Variants in RSF1 observed in about 807,000 individuals in gnomAD.
RSF1 encodes the protein remodeling and spacing factor 1, also known as HBV pX-associated protein 8.
RSF1 carries 13 observed loss-of-function variants against 145.2 expected under a neutral mutation model. The ratio of observed to expected loss-of-function variants is 0.09; its 90% CI spans 0.06 to 0.14. The LOEUF is 0.14. Among genes scored for constraint, RSF1 ranks in the 10% least tolerant of loss-of-function variants. The pLI, the probability that RSF1 is intolerant of heterozygous loss-of-function variation, is 1.00. For synonymous variants in RSF1, 577 were observed against 592.6 expected (o/e 0.97, Z 0.38); for missense variants, 1,517 against 1,718.2 (o/e 0.88, Z 2.07).
chr11:77,666,418 G>C lies in RSF1; in HGVS notation c.*499C>G, dbSNP rs1959364759. ...TGATGTTATCTACAATTCTCAAACTGTAACAGTACAGACTTGAACTTTTAA... is the reference window on the plus strand; with the variant it reads ...TGATGTTATCTACAATTCTCAAACTCTAACAGTACAGACTTGAACTTTTAA... On this transcript the variant is annotated 3_prime_UTR_variant, in exon 16 of 16. Transcript: ENST00000308488. The C allele has an allele frequency of 1.3e-5, 2 of 152,418 alleles. No individual in the cohort carries two copies. The highest frequency in any genetic ancestry group is 4.1e-4 in the South Asian group (2 of 4,824). 9.4% of individuals were successfully genotyped at this position (152,418 alleles called of 1,614,324 possible).
Position 77,666,660 on chromosome 11 carries a change from GA to G in RSF1, c.*256del, listed in dbSNP as rs981199178. 2 of 302,984 alleles carry G rather than the reference GA, an allele frequency of 6.6e-6. No individual in the cohort carries two copies. Among genetic ancestry groups the G allele is most frequent in the African/African-American group, 4.3e-5 (2 of 46,298 alleles). 18.8% of individuals were successfully genotyped at this position (302,984 alleles called of 1,614,324 possible). A position where few individuals can be genotyped will look rare whatever the true frequency, so the allele number is the denominator to read the frequency against. On this transcript the variant is annotated 3_prime_UTR_variant, in exon 16 of 16. Transcript: ENST00000308488. ...CAAATCTTTGTTGTTATTATAATAA[GA>G]TTTTTTTCCATGAATGAAATTACCA...
chr11:77,700,688 A>G (rs779206886), intron 6 of RSF1, 33 bp downstream of exon 6: 7 of 1,477,140 alleles, frequency 4.7e-6, no homozygotes, highest in Admixed American at 4.5e-5. Flanking sequence ...TATAGAGACA[A>G]ATATTTTTAA....
At chr11:77,824,246 G>A (rs1419064303), upstream of RSF1, among the ~76,000 whole-genome samples, 2 of 152,190 alleles carry the variant, frequency 1.3e-5, no homozygotes, top group Admixed American at 6.5e-5. Flanking sequence ...AGTTATATAA[G>A]TGAGTTATAT....
intron 1 of RSF1, among the ~76,000 whole-genome samples, chr11:77,811,485 T>C (rs1748113845): frequency 6.6e-6 from 1 of 152,176 alleles, no homozygotes; most frequent in South Asian, 2.1e-4. Flanking sequence ...GTAAGGAGAT[T>C]GAAGTGGTTA....
chr11:77,689,853 T>C (rs957077646), intron 9 of RSF1, among the ~76,000 whole-genome samples: 1 of 152,156 alleles, frequency 6.6e-6, no homozygotes, highest in African/African-American at 2.4e-5. Flanking sequence ...AGTTCAGTCT[T>C]AAGAACTTCA....
At chr11:77,782,792 G>C (rs1347023009) in intron 1 of RSF1, among the ~76,000 whole-genome samples, 1 of 152,122 alleles carries the variant, frequency 6.6e-6, no homozygotes, top group Admixed American at 6.5e-5. Flanking sequence ...CTCAAGAGCA[G>C]AATTAAACAC....
At chr11:77,838,157 T>C in the RSF1 span, among the ~76,000 whole-genome samples, 1 of 152,326 alleles carries the variant, frequency 6.6e-6, no homozygotes, top group African/African-American at 2.4e-5. Flanking sequence ...TAATCGTCTT[T>C]AGTTGGAGAT....
At chr11:77,798,053 TTGG>T (rs1310693693) in intron 1 of RSF1, among the ~76,000 whole-genome samples, 1 of 152,148 alleles carries the variant, frequency 6.6e-6, no homozygotes, top group Non-Finnish European at 1.5e-5. Context: ...TTTTACACTG[TTGG>T]TGGGAGTGTA....
chr11:77,767,514 T>A (rs1948237889), intron 1 of RSF1, among the ~76,000 whole-genome samples: 1 of 151,950 alleles, frequency 6.6e-6, no homozygotes, highest in South Asian at 2.1e-4. Flanking sequence ...CTGCAATTCT[T>A]CTCTCTTACT....
chr11:77,802,624 A>C (rs964078533), intron 1 of RSF1, among the ~76,000 whole-genome samples: 1 of 151,962 alleles, frequency 6.6e-6, no homozygotes, highest in South Asian at 2.1e-4. Flanking sequence ...GCCTACTGCA[A>C]TCTCCGCCTC....
chr11:77,827,638 G>C, the RSF1 span, among the ~76,000 whole-genome samples: 6 of 152,176 alleles, frequency 3.9e-5, no homozygotes, highest in South Asian at 1.2e-3. Flanking sequence ...GCCTGATTAA[G>C]AGCATTATGA....
chr11:77,705,513 T>A (rs530235866), intron 5 of RSF1, among the ~76,000 whole-genome samples: 36 of 152,352 alleles, frequency 2.4e-4, no homozygotes, highest in African/African-American at 8.7e-4. Context: ...TAGAAGACAC[T>A]GAGTTGCCTG....
Position 77,702,353 on chromosome 11 carries a change from T to C in RSF1, c.876A>G (p.Ile292Met). 1.2e-6 allele frequency: 2 copies of C among 1,612,178 alleles called. No individual in the cohort carries two copies. Among genetic ancestry groups the C allele is most frequent in the African/African-American group, 1.3e-5 (1 of 74,792 alleles). Residue 292 changes from isoleucine (I) to methionine (M), a missense_variant, in exon 6 of 16, where the codon ATA becomes ATG. By Grantham distance (10) the Ile-to-Met change is conservative (BLOSUM62 1). Transcript: ENST00000308488. ...CTGGCAAAGGTTTTTCTAGCTTCAC[T>C]ATGACTGGCAGTTTCACAAGTTCCT... ...DEKELVKLPV[I>M]VKLEKPLPEN...
intron 4 of RSF1, chr11:77,734,387 T>C (rs1961286057): frequency 2.4e-5 from 21 of 887,316 alleles, no homozygotes; most frequent in South Asian, 1.4e-4. Context: ...GTACAACTTA[T>C]AGAAAAGGTA....
chr11:77,715,947 T>C (rs966779926), intron 5 of RSF1, among the ~76,000 whole-genome samples: 3 of 152,146 alleles, frequency 2.0e-5, no homozygotes, highest in African/African-American at 7.2e-5. Context: ...TGCATTATTA[T>C]ACATTCAGTA....
In RSF1 at chr11:77,667,142, G is replaced by A; in HGVS notation, c.4101C>T (p.Asp1367=). Residue 1367 remains aspartate (D), a synonymous_variant, in exon 16 of 16, where the codon GAC becomes GAT. Transcript: ENST00000308488. The stretch of plus-strand genomic sequence containing the variant: ...GGCTCTGTCCATTGGTTGAAGGTAA[G>A]TCCACTAAGCTATAGTCCAATGGGC... The part of the protein sequence containing the change: ...VGSPLDYSLV[D]LPSTNGQSPG... The A allele has an allele frequency of 6.2e-7, 1 of 1,614,212 alleles. No homozygotes were observed. The highest frequency in any genetic ancestry group is 8.5e-7 in the Non-Finnish European group (1 of 1,180,040).
intron 5 of RSF1, among the ~76,000 whole-genome samples, chr11:77,704,717 A>G (rs1192444258): frequency 6.6e-6 from 1 of 151,086 alleles, no homozygotes; most frequent in Non-Finnish European, 1.5e-5. Flanking sequence ...TATTCTAAAA[A>G]TGTTAAATTC....
intron 1 of RSF1, among the ~76,000 whole-genome samples, chr11:77,772,335 AAATTTTCT>A (rs1407624642): frequency 6.6e-6 from 1 of 152,042 alleles, no homozygotes; most frequent in Non-Finnish European, 1.5e-5. Flanking sequence ...ATATGTGGCT[AAATTTTCT>A]AATTTTTTTG....
chr11:77,718,953 C>A (rs1027422020), intron 5 of RSF1, among the ~76,000 whole-genome samples: 2 of 152,160 alleles, frequency 1.3e-5, no homozygotes, highest in Non-Finnish European at 2.9e-5. Flanking sequence ...AATCTACCTA[C>A]TATAACTATA....
Sources: allele counts gnomAD v4.1 joint callset (sites outside exome capture counted in the v4.1 genomes callset), GRCh38; gene constraint gnomAD v4.1.1; transcripts MANE v1.5; gene names NCBI Gene and HGNC (gene_info 2026-07-23, HGNC 2026-07-21).